Variants in CFAP221 observed in about 807,000 individuals in gnomAD.
The protein encoded by CFAP221 is cilia- and flagella-associated protein 221.
A neutral mutation model predicts 113.1 loss-of-function variants in CFAP221; 97 were observed. That is an observed-to-expected ratio of 0.86 (90% CI 0.73 to 1.02). The LOEUF (loss-of-function observed/expected upper bound fraction) is 1.02. Among genes scored for constraint, CFAP221 ranks in the 50% least tolerant of loss-of-function variants. CFAP221 has a pLI of 0.00. For missense variants in CFAP221, 1,025 were observed against 1,013.4 expected (o/e 1.01, Z -0.16); for synonymous variants, 331 against 354.4 (o/e 0.93, Z 0.74).
At position 119,615,670 on chromosome 2, in the gene CFAP221, G is replaced by T; in HGVS notation, c.1371G>T (p.Arg457Ser). ...DPLINNTWLS[R>S]SRAQKRFQQV... The stretch of plus-strand genomic sequence containing the variant: ...TCATTAATAACACTTGGCTCAGCAG[G>T]TCCAGGGCACAAAAACGGTTTCAAC... Residue 457 changes from arginine to serine, a missense_variant, in exon 14 of 24, where the codon AGG becomes AGT. Arg to Ser is a moderately radical substitution (Grantham distance 110). Coordinates refer to ENST00000413369, the MANE Select transcript of CFAP221 (RefSeq NM_001271049.2). 1 of 1,612,996 alleles carries T rather than the reference G, an allele frequency of 6.2e-7. No homozygotes were observed. Among genetic ancestry groups the T allele is most frequent in the Non-Finnish European group, 8.5e-7 (1 of 1,179,560 alleles).
At chr2:119,588,601 G>A (rs1266465832) in intron 7 of CFAP221, among the ~76,000 whole-genome samples, 2 of 152,100 alleles carry the variant, frequency 1.3e-5, no homozygotes, top group African/African-American at 2.4e-5. Flanking sequence ...AATCATGCAG[G>A]CCTTTCCCTC....
rs997981366 is a variant in CFAP221 at position 119,639,843 on chromosome 2, G to A, written c.2196G>A (p.Pro732=). 4.5e-5 allele frequency: 72 copies of A among 1,613,916 alleles called. 1 individual carries two copies. The highest frequency in any genetic ancestry group is 3.3e-4 in the Middle Eastern group (2 of 6,084). Reference sequence around the variant, plus strand: ...AGTCCCTGGTTCTCTCCTCCCTGCCGGACCCCTCCAAGATGGAGACCACAA... The same window carrying A: ...AGTCCCTGGTTCTCTCCTCCCTGCCAGACCCCTCCAAGATGGAGACCACAA... The part of the protein sequence containing the change: ...SFQSLVLSSL[P]DPSKMETTKS... The change falls in exon 21 of 24, where the codon CCG becomes CCA. Residue 732 remains proline (P), a synonymous_variant. Transcript: ENST00000413369.
At chr2:119,601,646 G>C (rs1294058015) in intron 8 of CFAP221, 1 of 313,542 alleles carries the variant, frequency 3.2e-6, no homozygotes, top group African/African-American at 2.1e-5. Flanking sequence ...CTGGTGCACT[G>C]TTGGAATTTT....
At position 119,560,034 on chromosome 2, in the gene CFAP221, T is replaced by C. The variant is rs1433749085; in HGVS notation, c.426+8T>C. 2.9e-6 allele frequency: 4 copies of C among 1,388,410 alleles called. No individual in the cohort carries two copies. Among genetic ancestry groups the C allele is most frequent in the Non-Finnish European group, 3.9e-6 (4 of 1,034,360 alleles). The allele number at this position is 1,388,410 out of a possible 1,614,324, so 86.0% of individuals were successfully genotyped here. On this transcript the variant is annotated splice_region_variant and intron_variant, in intron 5 of 23. Transcript: ENST00000413369. ...ATCCGTGTTCACTGTAAGGTAGGTCTCTTAAAATTGCTTTTTTTTTTTTTT... is the reference window on the plus strand; with the variant it reads ...ATCCGTGTTCACTGTAAGGTAGGTCCCTTAAAATTGCTTTTTTTTTTTTTT...
intron 22 of CFAP221, 75 bp downstream of exon 22, chr2:119,647,125 C>A: frequency 8.6e-7 from 1 of 1,165,692 alleles, no homozygotes; most frequent in Non-Finnish European, 1.2e-6. Flanking sequence ...CTGTGAGGAA[C>A]TTCAGAATAG....
At chr2:119,601,158 C>A in intron 7 of CFAP221, 60 bp from the exon 8 acceptor site, 1 of 1,397,710 alleles carries the variant, frequency 7.2e-7, no homozygotes, top group Non-Finnish European at 9.5e-7. Flanking sequence ...TGTGTGTCAG[C>A]ATGTGACTGG....
intron 3 of CFAP221, among the ~76,000 whole-genome samples, chr2:119,558,749 G>A (rs988057867): frequency 1.3e-5 from 2 of 152,138 alleles, no homozygotes; most frequent in Admixed American, 1.3e-4. Context: ...TTGAACGCAG[G>A]AGTTCGAGGC....
At chr2:119,597,386 C>G (rs969791155) in intron 7 of CFAP221, among the ~76,000 whole-genome samples, 3 of 152,140 alleles carry the variant, frequency 2.0e-5, no homozygotes, top group Non-Finnish European at 4.4e-5. Context: ...GGGATGGTAG[C>G]CCTCCTTTCT....
chr2:119,627,630 AG>A, intron 15 of CFAP221, 22 bp from the exon 16 acceptor site: 1 of 1,611,242 alleles, frequency 6.2e-7, no homozygotes, highest in South Asian at 1.1e-5. Flanking sequence ...ACCCCCTAAA[AG>A]TGCCCTTTTT....
chr2:119,549,315 G>T, intron 3 of CFAP221, 130 bp downstream of exon 3: 4 of 688,754 alleles, frequency 5.8e-6, no homozygotes, highest in Non-Finnish European at 9.2e-6. Context: ...GGCCAGAAAG[G>T]TAGTTCTATG....
rs1357442252 is a variant in CFAP221 at position 119,625,481 on chromosome 2, A to G, written c.1411-102A>G. On this transcript the variant is annotated intron_variant, in intron 14 of 23. Transcript: ENST00000413369. ...CCTGTGGACTCTGACTTGCAGTGGC[A>G]GTCTCAGCTCTTAGTGTGGTTGGGG... 13 of 955,006 alleles carry G rather than the reference A, an allele frequency of 1.4e-5. No individual in the cohort carries two copies. The East Asian group carries it at 2.6e-4, about 19-fold the overall frequency. The allele number at this position is 955,006 out of a possible 1,614,324, so 59.2% of individuals were successfully genotyped here.
At chr2:119,644,422 TG>T (rs1219306230) in intron 21 of CFAP221, among the ~76,000 whole-genome samples, 2 of 152,230 alleles carry the variant, frequency 1.3e-5, no homozygotes, top group Non-Finnish European at 2.9e-5. Context: ...CTCTTCTTAG[TG>T]GGAATTCCCT....
In CFAP221 at chr2:119,587,230, G is replaced by GC; in HGVS notation, c.631+8_631+9insC. ...CTATTGAGCCAACATCAGGTAAGGA[G>GC]TGTCAAGATTTCAAGTTCTAAAAAC... is the stretch of plus-strand genomic sequence containing the variant. On this transcript the variant is annotated intron_variant, in intron 7 of 23. Coordinates refer to ENST00000413369, the MANE Select transcript of CFAP221 (RefSeq NM_001271049.2). 1.3e-6 allele frequency: 2 copies of GC among 1,482,448 alleles called. No individual in the cohort carries two copies. Among genetic ancestry groups the GC allele is most frequent in the South Asian group, 1.3e-5 (1 of 76,696 alleles). The allele number at this position is 1,482,448 out of a possible 1,614,324, so 91.8% of individuals were successfully genotyped here.
At chr2:119,561,686 T>C (rs984130608) in intron 5 of CFAP221, among the ~76,000 whole-genome samples, 2 of 152,220 alleles carry the variant, frequency 1.3e-5, no homozygotes, top group Non-Finnish European at 2.9e-5. Flanking sequence ...GTTTCTCTTT[T>C]TCTTGGGCCA....
intron 7 of CFAP221, among the ~76,000 whole-genome samples, chr2:119,589,058 C>T (rs957365386): frequency 2.6e-5 from 4 of 152,112 alleles, no homozygotes; most frequent in Non-Finnish European, 4.4e-5. Context: ...CTTTGGGACC[C>T]GTCTTTTGCT....
chr2:119,567,702 C>G (rs1681748199), intron 6 of CFAP221, among the ~76,000 whole-genome samples: 1 of 152,180 alleles, frequency 6.6e-6, no homozygotes. Context: ...ACCAAACTAT[C>G]TTCCAAAATG....
chr2:119,659,409 C>A (rs1439536072), downstream of CFAP221, among the ~76,000 whole-genome samples: 1 of 152,124 alleles, frequency 6.6e-6, no homozygotes, highest in Non-Finnish European at 1.5e-5. Context: ...CTTGGGTTCC[C>A]CTACACGCTA....
intron 14 of CFAP221, among the ~76,000 whole-genome samples, chr2:119,620,888 A>G (rs1685863592): frequency 6.6e-6 from 1 of 151,928 alleles, no homozygotes; most frequent in Non-Finnish European, 1.5e-5. Context: ...AAATAAAGGG[A>G]TGGAGGAATA....
At chr2:119,618,178 C>G (rs1451733999) in intron 14 of CFAP221, among the ~76,000 whole-genome samples, 2 of 152,224 alleles carry the variant, frequency 1.3e-5, no homozygotes, top group African/African-American at 4.8e-5. Flanking sequence ...GGAATATCAG[C>G]TCCTTGTGGG....
Sources: allele counts gnomAD v4.1 joint callset (sites outside exome capture counted in the v4.1 genomes callset), GRCh38; gene constraint gnomAD v4.1.1; transcripts MANE v1.5; gene names NCBI Gene and HGNC (gene_info 2026-07-23, HGNC 2026-07-21).